Variants in ERCC6 observed in about 807,000 individuals in gnomAD.
The protein encoded by ERCC6 is DNA excision repair protein ERCC-6.
Under a neutral mutation model 158.7 loss-of-function variants are expected in ERCC6, and 116 were observed. The ratio of observed to expected loss-of-function variants is 0.73; its 90% CI spans 0.63 to 0.85. The LOEUF (loss-of-function observed/expected upper bound fraction) is 0.85. Ranked by LOEUF, ERCC6 falls within the 40% of genes least tolerant of loss-of-function variation. ERCC6 has a pLI of 0.00. For synonymous variants in ERCC6, 678 were observed against 659.3 expected, an observed-to-expected ratio of 1.03 and a Z score of -0.43; for missense variants, 1,698 against 1,799.4, an observed-to-expected ratio of 0.94 and a Z score of 1.02.
the ERCC6 span, among the ~76,000 whole-genome samples, chr10:49,438,691 C>T: frequency 2.0e-5 from 3 of 152,148 alleles, no homozygotes; most frequent in Admixed American, 1.3e-4. Context: ...AGTCCAAAGT[C>T]TCATCCAAGA....
chr10:49,466,936 C>T (rs1365835671), intron 18 of ERCC6, among the ~76,000 whole-genome samples: 2 of 152,126 alleles, frequency 1.3e-5, no homozygotes, highest in Non-Finnish European at 2.9e-5. Context: ...CAGACACCCA[C>T]CATCATGCCT....
At chr10:49,506,498 T>G (rs1416580790) in intron 5 of ERCC6, 3 of 164,444 alleles carry the variant, frequency 1.8e-5, no homozygotes, top group Non-Finnish European at 3.9e-5. Flanking sequence ...AAATTTGGGG[T>G]CAAAATCACT....
intron 3 of ERCC6, among the ~76,000 whole-genome samples, chr10:49,529,701 C>T (rs1837424705): frequency 6.6e-6 from 1 of 152,080 alleles, no homozygotes; most frequent in African/African-American, 2.4e-5. Context: ...CCCTGGAGAG[C>T]TTAAAGAAAA....
chr10:49,506,780 CTA>C, intron 5 of ERCC6, among the ~76,000 whole-genome samples: 1 of 151,512 alleles, frequency 6.6e-6, no homozygotes, highest in South Asian at 2.1e-4. Context: ...ATTTACATAA[CTA>C]TAATGGACTC....
chr10:49,502,677 T>C (rs1337028682), intron 6 of ERCC6: 3 of 152,170 alleles, frequency 2.0e-5, no homozygotes, highest in Non-Finnish European at 4.4e-5. Context: ...TCTAGACCAA[T>C]AGTTCTCAGC....
chr10:49,533,400 G>A (rs1428298960), intron 1 of ERCC6, among the ~76,000 whole-genome samples: 2 of 152,204 alleles, frequency 1.3e-5, no homozygotes, highest in Non-Finnish European at 2.9e-5. Flanking sequence ...AGCGATGTTA[G>A]GAAAGAGCTT....
intron 8 of ERCC6, chr10:49,488,339 G>GA (rs1474424701): frequency 1.0e-4 from 16 of 154,852 alleles, no homozygotes; most frequent in African/African-American, 3.6e-4. Flanking sequence ...CCATTCACAG[G>GA]AAACACAGTA....
the ERCC6 span, among the ~76,000 whole-genome samples, chr10:49,437,215 C>G: frequency 2.0e-5 from 3 of 152,174 alleles, no homozygotes; most frequent in African/African-American, 4.8e-5. Context: ...GATTATGAAG[C>G]CTCCCCAGCC....
intron 5 of ERCC6, among the ~76,000 whole-genome samples, chr10:49,522,061 G>C (rs994772484): frequency 5.3e-5 from 8 of 152,014 alleles, no homozygotes; most frequent in Non-Finnish European, 1.0e-4. Context: ...TTCAGCAAAG[G>C]GTGCCTACCC....
chr10:49,462,975 G>A (rs1021680998), intron 18 of ERCC6, among the ~76,000 whole-genome samples: 1 of 152,130 alleles, frequency 6.6e-6, no homozygotes, highest in Non-Finnish European at 1.5e-5. Context: ...TATAAGCACA[G>A]GATTATTTAG....
At chr10:49,534,116 A>G (rs574466336) in intron 1 of ERCC6, among the ~76,000 whole-genome samples, 1 of 137,018 alleles carries the variant, frequency 7.3e-6, no homozygotes, top group South Asian at 2.5e-4. Flanking sequence ...CATAGGCAAC[A>G]GAGTGAGACT....
At position 49,532,856 on chromosome 10, in the gene ERCC6, C is replaced by T. The variant is rs1046979284; in HGVS notation, c.109G>A (p.Gly37Ser). ...EEMAIKQESG[G>S]DGEVEEYLSF... The stretch of plus-strand genomic sequence containing the variant: ...AGGTACTCCTCCACCTCCCCATCAC[C>T]ACCACTTTCTTGCTTGATTGCCATT... Residue 37 changes from glycine to serine, a missense_variant, in exon 2 of 21, where the codon GGT (glycine) becomes AGT (serine). Physicochemically the swap from Gly to Ser is moderately conservative, Grantham distance 56. Transcript: ENST00000355832. 10 of 1,614,130 alleles carry T rather than the reference C, an allele frequency of 6.2e-6. No homozygotes were observed. The Admixed American group carries it at 1.0e-4, about 16-fold the overall frequency.
At chr10:49,467,742 T>A (rs1047881268) in intron 18 of ERCC6, among the ~76,000 whole-genome samples, 4 of 151,970 alleles carry the variant, frequency 2.6e-5, no homozygotes, top group South Asian at 4.2e-4. Flanking sequence ...TTTTTTTTTT[T>A]ATTTTTTGTA....
intron 4 of ERCC6, among the ~76,000 whole-genome samples, chr10:49,526,874 T>G (rs1299934472): frequency 6.6e-6 from 1 of 152,076 alleles, no homozygotes; most frequent in Admixed American, 6.6e-5. Context: ...TGTCTACAGA[T>G]CTGTATAAGG....
chr10:49,526,810 C>T (rs1394725464), intron 4 of ERCC6, among the ~76,000 whole-genome samples: 4 of 151,970 alleles, frequency 2.6e-5, no homozygotes, highest in African/African-American at 9.7e-5. Flanking sequence ...TGGCTGGTGT[C>T]CAGACGGAGA....
chr10:49,528,595 T>C (rs2132631742), intron 3 of ERCC6, 70 bp from the exon 4 acceptor site: 1 of 1,556,344 alleles, frequency 6.4e-7, no homozygotes. Flanking sequence ...AAAGATAGCA[T>C]TATGAAATTT....
Position 49,530,724 on chromosome 10 carries a change from T to C in ERCC6, c.539A>G (p.Asn180Ser), listed in dbSNP as rs1288103707. The C allele has an allele frequency of 2.5e-6, 4 of 1,613,254 alleles. No individual in the cohort carries two copies. The highest frequency in any genetic ancestry group is 3.4e-6 in the Non-Finnish European group (4 of 1,179,734). Residue 180 changes from asparagine (N) to serine (S), a missense_variant, in exon 3 of 21, where the codon AAT becomes AGT. Physicochemically the swap from Asn to Ser is conservative, Grantham distance 46. Coordinates refer to ENST00000355832, the MANE Select transcript of ERCC6 (RefSeq NM_000124.4). ...KLDSVKRQKY[N>S]KEQQLKKITA... ...CTGAATGTTATTCTGAATCACCTTA[T>C]TATACTTCTGTCGTTTTACAGAATC... is the stretch of plus-strand genomic sequence containing the variant.
chr10:49,462,912 A>G (rs956934368), intron 18 of ERCC6, among the ~76,000 whole-genome samples: 14 of 152,230 alleles, frequency 9.2e-5, no homozygotes, highest in African/African-American at 2.9e-4. Flanking sequence ...TCAAACAAAC[A>G]AACAAAACAA....
chr10:49,441,708 G>GCT, the ERCC6 span, among the ~76,000 whole-genome samples: 1 of 152,190 alleles, frequency 6.6e-6, no homozygotes, highest in Non-Finnish European at 1.5e-5. Context: ...CAGCCAGGGA[G>GCT]CTCGGGTGGG....
Sources: allele counts gnomAD v4.1 joint callset (sites outside exome capture counted in the v4.1 genomes callset), GRCh38; gene constraint gnomAD v4.1.1; transcripts MANE v1.5; gene names NCBI Gene and HGNC (gene_info 2026-07-23, HGNC 2026-07-21).